PCLO: variants seen among roughly 807,000 people sequenced by gnomAD.
PCLO encodes the protein piccolo presynaptic cytomatrix protein.
Under a neutral mutation model 427.5 loss-of-function variants are expected in PCLO, and 82 were observed. That is an observed-to-expected ratio of 0.19 (90% CI 0.16 to 0.23). The LOEUF is 0.23. Among genes scored for constraint, PCLO ranks in the 10% least tolerant of loss-of-function variants. The probability of loss-of-function intolerance (pLI) is 1.00; values close to 1 mark genes in which losing one functional copy is unlikely to be tolerated. For missense variants in PCLO, 6,239 were observed against 6,115.9 expected (o/e 1.02, Z -0.67); for synonymous variants, 2,357 against 2,155.4 (o/e 1.09, Z -2.59).
rs540793161 is a variant in PCLO at position 83,016,143 on chromosome 7, T to G, written c.3301-49656A>C. On this transcript the variant is annotated intron_variant, in intron 3 of 24. Coordinates refer to ENST00000333891, the MANE Select transcript of PCLO (RefSeq NM_033026.6). ...ATGTAAGAAAGGACATGGCACAGGGTTGGACACCCACTATCAGAGGCCCAA... is the reference window on the plus strand; with the variant it reads ...ATGTAAGAAAGGACATGGCACAGGGGTGGACACCCACTATCAGAGGCCCAA... Among the ~76,000 whole-genome samples the G allele has an allele frequency of 2.5e-3, 381 of 152,134 alleles. 1 individual carries two copies. The highest frequency in any genetic ancestry group is 4.2e-3 in the Non-Finnish European group (288 of 67,990).
Position 83,135,213 on chromosome 7 carries a change from T to C in PCLO, c.2337A>G (p.Pro779=), listed in dbSNP as rs781615107. The C allele has an allele frequency of 6.2e-7, 1 of 1,613,860 alleles. No individual in the cohort carries two copies. Among genetic ancestry groups the C allele is most frequent in the Non-Finnish European group, 8.5e-7 (1 of 1,179,868 alleles). The change falls in exon 3 of 25, where the codon CCA becomes CCG. Residue 779 remains proline, a synonymous_variant. Coordinates refer to ENST00000333891, the MANE Select transcript of PCLO (RefSeq NM_033026.6). The part of the protein sequence containing the change: ...SSSATTKPDI[P]SSKVQSQAEE... ...CAGCTTGTGACTGTACTTTGGAGCT[T>C]GGAATATCAGGTTTTGTTGTTGCTG...
At chr7:82,965,283 AT>A (rs1491053251) in intron 4 of PCLO, among the ~76,000 whole-genome samples, 2 of 67,186 alleles carry the variant, frequency 3.0e-5, no homozygotes, top group South Asian at 6.3e-4. Flanking sequence ...TAGTTACGTC[AT>A]TTTTTTTTCC....
At chr7:83,129,329 C>G (rs925296108) in intron 3 of PCLO, among the ~76,000 whole-genome samples, 14 of 152,128 alleles carry the variant, frequency 9.2e-5, no homozygotes, top group Middle Eastern at 3.4e-3. Flanking sequence ...TCAAACATCG[C>G]ACAGTTTTTT....
intron 20 of PCLO, among the ~76,000 whole-genome samples, chr7:82,806,715 A>AC (rs1791466376): frequency 6.6e-6 from 1 of 152,154 alleles, no homozygotes; most frequent in Non-Finnish European, 1.5e-5. Flanking sequence ...TTGACTCCCA[A>AC]CCCACTCTTT....
At chr7:83,003,204 TAAG>T (rs1435374114) in intron 3 of PCLO, among the ~76,000 whole-genome samples, 7 of 151,524 alleles carry the variant, frequency 4.6e-5, no homozygotes, top group East Asian at 1.9e-4. Context: ...AAATATACGA[TAAG>T]AAATCTCAAA....
chr7:82,874,012 A>C (rs1317412689), intron 10 of PCLO, among the ~76,000 whole-genome samples: 1 of 152,194 alleles, frequency 6.6e-6, no homozygotes, highest in Non-Finnish European at 1.5e-5. Context: ...TTTTAAAAAG[A>C]TAATCGAAAG....
chr7:83,083,057 A>ATT (rs36028493), intron 3 of PCLO, among the ~76,000 whole-genome samples: 2 of 151,368 alleles, frequency 1.3e-5, no homozygotes, highest in African/African-American at 4.8e-5. Flanking sequence ...ACAATCAACT[A>ATT]TTTTTTTAAA....
At chr7:83,057,335 TATATATATATATA>T (rs1305401430) in intron 3 of PCLO, among the ~76,000 whole-genome samples, 16 of 20,002 alleles carry the variant, frequency 8.0e-4, no homozygotes, top group African/African-American at 2.9e-3. Context: ...TATATATATA[TATATATATATATA>T]TTTTTTTTTT....
chr7:82,827,356 A>T, intron 17 of PCLO, among the ~76,000 whole-genome samples: 1 of 152,124 alleles, frequency 6.6e-6, no homozygotes, highest in African/African-American at 2.4e-5. Flanking sequence ...TCTGGTGATA[A>T]TCCTTTATAC....
Position 83,155,568 on chromosome 7 carries a change from G to A in PCLO, c.1073C>T (p.Thr358Ile). Residue 358 changes from threonine (T) to isoleucine (I), a missense_variant, in exon 2 of 25, where the codon ACA (threonine) becomes ATA (isoleucine). Thr to Ile is a moderately conservative substitution (Grantham distance 89). Transcript: ENST00000333891. ...AAGAGGCTGAGCTGGAGGCTTTGTT[G>A]TCCCTGGTGGCTGGACTGGGGGTTT... ...TVKPPVQPPG[T>I]TKPPAQPLGP... 1 of 1,610,856 alleles carries A rather than the reference G, an allele frequency of 6.2e-7. No individual in the cohort carries two copies. Among genetic ancestry groups the A allele is most frequent in the African/African-American group, 1.3e-5 (1 of 74,974 alleles).
intron 22 of PCLO, among the ~76,000 whole-genome samples, chr7:82,777,824 A>G (rs879750598): frequency 2.2e-4 from 33 of 152,312 alleles, no homozygotes; most frequent in Admixed American, 1.5e-3. Flanking sequence ...TTACCTAGGT[A>G]GGTAATATCT....
intron 10 of PCLO, among the ~76,000 whole-genome samples, chr7:82,873,939 G>C (rs1015111728): frequency 2.0e-5 from 3 of 152,094 alleles, no homozygotes; most frequent in African/African-American, 7.2e-5. Context: ...GTAAATATAT[G>C]AGCAGTTAAG....
intron 9 of PCLO, among the ~76,000 whole-genome samples, chr7:82,900,860 G>C (rs1203954908): frequency 1.3e-5 from 2 of 151,652 alleles, no homozygotes; most frequent in Non-Finnish European, 2.9e-5. Flanking sequence ...TGGGCAAAAG[G>C]AATGTCTGTA....
chr7:82,976,440 C>A (rs1018470030), intron 3 of PCLO, among the ~76,000 whole-genome samples: 5 of 152,142 alleles, frequency 3.3e-5, no homozygotes, highest in African/African-American at 1.2e-4. Flanking sequence ...TATACCAAAT[C>A]TCTTATTATA....
intron 16 of PCLO, among the ~76,000 whole-genome samples, chr7:82,829,758 A>AACCTGT (rs1562805696): frequency 6.6e-6 from 1 of 152,168 alleles, no homozygotes; most frequent in Non-Finnish European, 1.5e-5. Context: ...TCTGCCATAG[A>AACCTGT]GAAATTCTCC....
At chr7:82,982,468 G>A (rs958163856) in intron 3 of PCLO, among the ~76,000 whole-genome samples, 4 of 151,944 alleles carry the variant, frequency 2.6e-5, no homozygotes, top group African/African-American at 7.2e-5. Context: ...GCACAGAAGC[G>A]GGGTCATGAC....
At position 83,154,932 on chromosome 7, in the gene PCLO, G is replaced by C. The variant is rs778633853; in HGVS notation, c.1709C>G (p.Pro570Arg). The C allele has an allele frequency of 2.5e-6, 4 of 1,614,028 alleles. No individual in the cohort carries two copies. The highest frequency in any genetic ancestry group is 1.7e-5 in the Admixed American group (1 of 60,028). Residue 570 changes from proline to arginine, a missense_variant, in exon 2 of 25, where the codon CCA (proline) becomes CGA (arginine). Pro to Arg is a moderately radical substitution (Grantham distance 103). Coordinates refer to ENST00000333891, the MANE Select transcript of PCLO (RefSeq NM_033026.6). ...CTGTTTTGCAGATGGAGACACTGTT[G>C]GTGGCTGCAGAGGTTTTCCAGATCC... ...QTGSGKPLQP[P>R]TVSPSAKQPP...
intron 3 of PCLO, among the ~76,000 whole-genome samples, chr7:82,971,023 T>A (rs986976754): frequency 9.2e-5 from 14 of 151,874 alleles, no homozygotes; most frequent in Non-Finnish European, 3.0e-5. Context: ...ACAAAAATAA[T>A]CCAAAGATTT....
At chr7:82,925,985 T>C (rs117464055) in intron 6 of PCLO, among the ~76,000 whole-genome samples, 4,033 of 152,086 alleles carry the variant, frequency 0.027, 80 homozygotes, top group Non-Finnish European at 0.037. Context: ...GCCCCAATTG[T>C]TGGGATTACA....
Sources: allele counts gnomAD v4.1 joint callset (sites outside exome capture counted in the v4.1 genomes callset), GRCh38; gene constraint gnomAD v4.1.1; transcripts MANE v1.5; gene names NCBI Gene and HGNC (gene_info 2026-07-23, HGNC 2026-07-21).